The following FHIT variants were observed in gnomAD, a reference collection of about 807,000 sequenced individuals.
FHIT encodes the protein bis(5'-adenosyl)-triphosphatase.
FHIT carries 19 observed loss-of-function variants against 17.9 expected under a neutral mutation model. That is an observed-to-expected ratio of 1.06 (90% CI 0.74 to 1.56). The LOEUF (loss-of-function observed/expected upper bound fraction) is 1.56, where lower values mean the gene tolerates loss of function less well. Among genes scored for constraint, FHIT ranks in the 40% most tolerant of loss-of-function variants. The probability of loss-of-function intolerance (pLI) is 0.00; values close to 1 mark genes in which losing one functional copy is unlikely to be tolerated. For missense variants in FHIT, 248 were observed against 189.2 expected (o/e 1.31, Z -1.82); for synonymous variants, 81 against 69.7 (o/e 1.16, Z -0.81).
intron 8 of FHIT, among the ~76,000 whole-genome samples, chr3:59,790,478 G>C (rs1699500619): frequency 1.3e-5 from 2 of 150,678 alleles, no homozygotes; most frequent in Admixed American, 1.3e-4. Context: ...TCTATTTCAA[G>C]GTGTTCATTG....
At chr3:60,831,565 G>T (rs78363869) in intron 3 of FHIT, among the ~76,000 whole-genome samples, 1 of 151,690 alleles carries the variant, frequency 6.6e-6, no homozygotes, top group Non-Finnish European at 1.5e-5. Flanking sequence ...GCCAGAGTTC[G>T]GGTTGTACCT....
At chr3:61,249,990 A>ACACACACACAC (rs1560111601) in intron 1 of FHIT, among the ~76,000 whole-genome samples, 3 of 119,512 alleles carry the variant, frequency 2.5e-5, no homozygotes, top group African/African-American at 3.9e-5. Flanking sequence ...ACACACACAC[A>ACACACACACAC]AACCCTAGAC....
chr3:60,972,155 A>G (rs990178102), intron 3 of FHIT, among the ~76,000 whole-genome samples: 9 of 152,152 alleles, frequency 5.9e-5, no homozygotes, highest in African/African-American at 2.2e-4. Flanking sequence ...ATTCATAGAC[A>G]CTTACTTATA....
intron 1 of FHIT, among the ~76,000 whole-genome samples, chr3:61,236,482 CACTCCAGAATT>C (rs1225017708): frequency 1.3e-5 from 2 of 152,006 alleles, no homozygotes; most frequent in Admixed American, 1.3e-4. Context: ...CAAAGCCAGC[CACTCCAGAATT>C]ACTCTTCTAC....
intron 3 of FHIT, among the ~76,000 whole-genome samples, chr3:60,825,156 A>C (rs1702069406): frequency 1.3e-5 from 2 of 152,216 alleles, no homozygotes; most frequent in South Asian, 4.1e-4. Flanking sequence ...CTGTATTATC[A>C]AAAGTGACAG....
At chr3:60,552,812 C>G (rs778966024) in intron 4 of FHIT, among the ~76,000 whole-genome samples, 2 of 152,174 alleles carry the variant, frequency 1.3e-5, no homozygotes, top group East Asian at 1.9e-4. Flanking sequence ...AAGATACAGT[C>G]TTATACTTTT....
intron 5 of FHIT, among the ~76,000 whole-genome samples, chr3:60,057,519 C>G (rs1178883356): frequency 6.6e-6 from 1 of 152,098 alleles, no homozygotes; most frequent in African/African-American, 2.4e-5. Flanking sequence ...AAAACATAAG[C>G]TAAGTGAAAT....
chr3:60,907,308 A>T (rs879959910), intron 3 of FHIT, among the ~76,000 whole-genome samples: 1 of 152,234 alleles, frequency 6.6e-6, no homozygotes, highest in Admixed American at 6.5e-5. Context: ...AATTGGACAG[A>T]TCCACATTGT....
rs568565628 is a variant in FHIT, at chr3:60,346,819, T to G, written c.103+190041A>C. Among the ~76,000 whole-genome samples the G allele has an allele frequency of 7.9e-5, 12 of 152,284 alleles. No individual in the cohort carries two copies. The East Asian group carries it at 2.3e-3, about 29-fold the overall frequency. ...ATTCAAGTCCATAATGAAGTCAATA[T>G]GAAAAGGACCTGAATTTAGGTTTCT... On this transcript the variant is annotated intron_variant, in intron 5 of 9. Transcript: ENST00000492590.
chr3:60,184,459 T>C (rs565662134), intron 5 of FHIT, among the ~76,000 whole-genome samples: 1 of 152,254 alleles, frequency 6.6e-6, no homozygotes, highest in Admixed American at 6.5e-5. Flanking sequence ...TCAGTTAAGG[T>C]TTGTCTGATG....
At chr3:60,912,054 T>TAC (rs34525181) in intron 3 of FHIT, among the ~76,000 whole-genome samples, 41,667 of 150,264 alleles carry the variant, frequency 0.28, 6,086 homozygotes, top group Middle Eastern at 0.36. Context: ...CACACACACA[T>TAC]ACACACACAC....
chr3:59,884,180 C>T (rs1703523287), intron 8 of FHIT, among the ~76,000 whole-genome samples: 2 of 152,064 alleles, frequency 1.3e-5, no homozygotes, highest in Admixed American at 1.3e-4. Context: ...TACAGGAATT[C>T]AACAAACATT....
At chr3:60,005,494 G>A (rs1699890765) in intron 7 of FHIT, among the ~76,000 whole-genome samples, 1 of 152,030 alleles carries the variant, frequency 6.6e-6, no homozygotes, top group Admixed American at 6.6e-5. Flanking sequence ...CATGCCAGAG[G>A]AAAAGGGCTT....
chr3:60,245,952 A>G (rs1353886179), intron 5 of FHIT, among the ~76,000 whole-genome samples: 1 of 152,156 alleles, frequency 6.6e-6, no homozygotes. Context: ...TATACAATGA[A>G]TAATTGTAAA....
chr3:61,066,027 C>T (rs2034597680), intron 2 of FHIT, among the ~76,000 whole-genome samples: 1 of 152,124 alleles, frequency 6.6e-6, no homozygotes, highest in African/African-American at 2.4e-5. Flanking sequence ...ATCAAGGGCC[C>T]ACATCTTGTG....
intron 5 of FHIT, among the ~76,000 whole-genome samples, chr3:60,279,300 A>T (rs1016694268): frequency 6.6e-6 from 1 of 152,202 alleles, no homozygotes; most frequent in Non-Finnish European, 1.5e-5. Context: ...AAACAGAGGC[A>T]ATTCCTTAAA....
chr3:60,708,575 C>G (rs376185147), intron 4 of FHIT, among the ~76,000 whole-genome samples: 1 of 152,140 alleles, frequency 6.6e-6, no homozygotes, highest in Non-Finnish European at 1.5e-5. Context: ...ATTGGCAAAC[C>G]TTTTACCTCC....
intron 2 of FHIT, among the ~76,000 whole-genome samples, chr3:61,145,982 A>G (rs1434009160): frequency 6.6e-6 from 1 of 152,060 alleles, no homozygotes; most frequent in Non-Finnish European, 1.5e-5. Context: ...ACATCAGTGT[A>G]TGCTACTACT....
intron 3 of FHIT, among the ~76,000 whole-genome samples, chr3:61,002,683 C>CT (rs895365674): frequency 2.5e-4 from 38 of 149,662 alleles, no homozygotes; most frequent in Non-Finnish European, 3.3e-4. Flanking sequence ...AAGTTTGTTT[C>CT]TTTTTTTTTT....
Sources: allele counts gnomAD v4.1 joint callset (sites outside exome capture counted in the v4.1 genomes callset), GRCh38; gene constraint gnomAD v4.1.1; transcripts MANE v1.5; gene names NCBI Gene and HGNC (gene_info 2026-07-23, HGNC 2026-07-21).